Variants in ATP2C1 observed in about 807,000 individuals in gnomAD.
The protein encoded by ATP2C1 is ATPase secretory pathway Ca2+ transporting 1.
In ATP2C1, 31 loss-of-function variants were observed where a neutral mutation model predicts 120.5. The observed-to-expected ratio is 0.26, with a 90% CI of 0.19 to 0.35. ATP2C1 has a LOEUF of 0.35. Among genes scored for constraint, ATP2C1 ranks in the 10% least tolerant of loss-of-function variants. The pLI is 1.00. For missense variants in ATP2C1, 731 were observed against 1,107.5 expected, an observed-to-expected ratio of 0.66 and a Z score of 4.83; for synonymous variants, 351 against 358.7, an observed-to-expected ratio of 0.98 and a Z score of 0.24.
At chr3:130,893,893 T>C, upstream of ATP2C1, 21 of 981,854 alleles carry the variant, frequency 2.1e-5, no homozygotes, top group Non-Finnish European at 2.4e-5. Flanking sequence ...ACATTGTCCA[T>C]TCCGGGCCGA....
intron 20 of ATP2C1, among the ~76,000 whole-genome samples, chr3:130,985,695 C>G (rs2061976011): frequency 9.1e-6 from 1 of 110,030 alleles, no homozygotes; most frequent in East Asian, 2.8e-4. Context: ...CAGCAAAAAA[C>G]CTAAAAAGAA....
At chr3:130,993,072 G>T in intron 21 of ATP2C1, 71 bp downstream of exon 21, 2 of 1,334,764 alleles carry the variant, frequency 1.5e-6, no homozygotes, top group Non-Finnish European at 2.1e-6. Flanking sequence ...TGTTATGTTT[G>T]CATTACAGGG....
chr3:130,937,066 A>C (rs568884574), intron 5 of ATP2C1, among the ~76,000 whole-genome samples: 1 of 152,196 alleles, frequency 6.6e-6, no homozygotes, highest in Non-Finnish European at 1.5e-5. Context: ...GTTAGCATGT[A>C]ATGAGGTTTA....
At chr3:130,866,276 A>G (rs574480727) in intron 1 of ATP2C1, among the ~76,000 whole-genome samples, 54 of 152,352 alleles carry the variant, frequency 3.5e-4, no homozygotes, top group African/African-American at 1.3e-3. Flanking sequence ...CACTAGCGTC[A>G]AAAAACTCCT....
intron 26 of ATP2C1, chr3:131,015,874 C>T: frequency 1.9e-6 from 1 of 526,972 alleles, no homozygotes; most frequent in Non-Finnish European, 3.5e-6. Flanking sequence ...CTCCCCTCTC[C>T]CACATATTAA....
At chr3:130,980,261 T>C (rs2061697303) in intron 19 of ATP2C1, among the ~76,000 whole-genome samples, 1 of 151,362 alleles carries the variant, frequency 6.6e-6, no homozygotes, top group South Asian at 2.1e-4. Flanking sequence ...TTTTTTTTTT[T>C]TTCCTGTAGA....
intron 26 of ATP2C1, among the ~76,000 whole-genome samples, chr3:131,015,808 A>G (rs2063595927): frequency 6.6e-6 from 1 of 152,146 alleles, no homozygotes; most frequent in African/African-American, 2.4e-5. Flanking sequence ...AGGCTCTACA[A>G]AGTGACATTT....
intron 8 of ATP2C1, among the ~76,000 whole-genome samples, chr3:130,945,067 A>G (rs1477608005): frequency 1.3e-5 from 2 of 152,166 alleles, no homozygotes; most frequent in Non-Finnish European, 2.9e-5. Flanking sequence ...TGATTGCTTG[A>G]ATCCACTGCT....
chr3:131,016,670 G>T, exon 27 of ATP2C1: 1 of 347,358 alleles, frequency 2.9e-6, no homozygotes, highest in Non-Finnish European at 5.5e-6. Context: ...AAATACAAAT[G>T]ACTATTAAAT....
At chr3:130,992,824 C>T in intron 20 of ATP2C1, 127 bp from the exon 21 acceptor site, 1 of 745,514 alleles carries the variant, frequency 1.3e-6, no homozygotes, top group South Asian at 1.5e-5. Flanking sequence ...ATTGCTTAAG[C>T]TTGATCTCAG....
downstream of ATP2C1, among the ~76,000 whole-genome samples, chr3:131,007,705 A>T (rs563712937): frequency 3.9e-5 from 6 of 152,196 alleles, no homozygotes; most frequent in Non-Finnish European, 7.3e-5. Flanking sequence ...AAGTATACCA[A>T]AGTGCCCTTT....
intron 7 of ATP2C1, among the ~76,000 whole-genome samples, chr3:130,941,310 G>A (rs2059910158): frequency 6.6e-6 from 1 of 151,992 alleles, no homozygotes; most frequent in African/African-American, 2.4e-5. Flanking sequence ...GTGTCCATGC[G>A]CAAGTGTGTG....
chr3:130,883,453 T>C (rs561590240), intron 1 of ATP2C1, among the ~76,000 whole-genome samples: 11 of 140,754 alleles, frequency 7.8e-5, no homozygotes, highest in Admixed American at 7.6e-4. Flanking sequence ...ATTTGAAGTC[T>C]TTCTTCTCCT....
intron 27 of ATP2C1, among the ~76,000 whole-genome samples, chr3:131,000,532 G>A (rs900359323): frequency 6.6e-5 from 10 of 152,124 alleles, no homozygotes; most frequent in Non-Finnish European, 1.2e-4. Context: ...TCTTCAGATA[G>A]GCATTGTCAT....
chr3:130,923,151 T>C (rs1347380648), intron 2 of ATP2C1, among the ~76,000 whole-genome samples: 2 of 152,184 alleles, frequency 1.3e-5, no homozygotes, highest in African/African-American at 2.4e-5. Flanking sequence ...CAATGTTAGG[T>C]GCATATATAT....
intron 1 of ATP2C1, among the ~76,000 whole-genome samples, chr3:130,875,862 T>G (rs1047582650): frequency 6.6e-6 from 1 of 151,862 alleles, no homozygotes; most frequent in African/African-American, 2.4e-5. Flanking sequence ...TGCATTTCTC[T>G]GATGATTAGT....
At chr3:130,964,130 T>C (rs746714001) in intron 13 of ATP2C1, 35 bp downstream of exon 13, 27 of 1,610,092 alleles carry the variant, frequency 1.7e-5, no homozygotes, top group Admixed American at 1.3e-4. Context: ...TATGCAATGA[T>C]GCGTAAGTTT....
chr3:130,911,771 C>T (rs2108122831), intron 2 of ATP2C1, among the ~76,000 whole-genome samples: 1 of 149,606 alleles, frequency 6.7e-6, no homozygotes, highest in East Asian at 2.0e-4. Context: ...CATATGGAAC[C>T]AAAAAAGAGC....
intron 1 of ATP2C1, chr3:130,854,141 T>G (rs912412091): frequency 5.3e-5 from 8 of 152,240 alleles, no homozygotes; most frequent in Non-Finnish European, 8.8e-5. Context: ...GTTGGTAGGT[T>G]ATTTATCAAA....
Sources: gnomAD v4.1 joint callset for allele counts (sites outside exome capture counted in the v4.1 genomes callset) on GRCh38, gnomAD v4.1.1 for gene constraint, MANE v1.5 for transcripts, NCBI Gene and HGNC (gene_info 2026-07-23, HGNC 2026-07-21) for gene names.